NKAIN2: variants seen among roughly 807,000 people sequenced by gnomAD.
NKAIN2 encodes the protein sodium/potassium-transporting ATPase subunit beta-1-interacting protein 2.
NKAIN2 carries 14 observed loss-of-function variants against 32.6 expected under a neutral mutation model. The ratio of observed to expected loss-of-function variants is 0.43; its 90% CI spans 0.28 to 0.67. The LOEUF is 0.67. Ranked by LOEUF, NKAIN2 falls within the 30% of genes least tolerant of loss-of-function variation. The probability of loss-of-function intolerance (pLI) is 0.17; values close to 1 mark genes in which losing one functional copy is unlikely to be tolerated. For missense variants in NKAIN2, 198 were observed against 258.3 expected, an observed-to-expected ratio of 0.77 and a Z score of 1.60; for synonymous variants, 80 against 87.2, an observed-to-expected ratio of 0.92 and a Z score of 0.46.
At chr6:124,070,706 T>C (rs892539808) in intron 1 of NKAIN2, among the ~76,000 whole-genome samples, 1 of 152,160 alleles carries the variant, frequency 6.6e-6, no homozygotes, top group African/African-American at 2.4e-5. Context: ...AGAAGTTTCA[T>C]GCAATTTCTA....
chr6:124,354,992 C>G (rs758188576), intron 2 of NKAIN2, among the ~76,000 whole-genome samples: 7 of 150,322 alleles, frequency 4.7e-5, no homozygotes, highest in Non-Finnish European at 1.0e-4. Context: ...ATCACTTCAA[C>G]CTGAAAGAAA....
intron 1 of NKAIN2, among the ~76,000 whole-genome samples, chr6:124,270,518 C>T (rs752690580): frequency 7.2e-5 from 11 of 152,008 alleles, no homozygotes; most frequent in Middle Eastern, 3.2e-3. Context: ...AAATAGCAAT[C>T]GAGTTTTTTC....
intron 3 of NKAIN2, among the ~76,000 whole-genome samples, chr6:124,412,413 G>T (rs1227724620): frequency 2.0e-5 from 3 of 152,182 alleles, no homozygotes; most frequent in African/African-American, 7.2e-5. Flanking sequence ...TCAGCTGCAG[G>T]TCTGTTGGAG....
chr6:124,134,326 C>A (rs564957617), intron 1 of NKAIN2, among the ~76,000 whole-genome samples: 1 of 152,142 alleles, frequency 6.6e-6, no homozygotes, highest in East Asian at 1.9e-4. Context: ...TTTCAACTAA[C>A]CCCATCAGAC....
At chr6:124,468,150 A>G (rs191123203) in intron 3 of NKAIN2, among the ~76,000 whole-genome samples, 21 of 152,240 alleles carry the variant, frequency 1.4e-4, no homozygotes, top group Admixed American at 3.9e-4. Context: ...TAATGTACAG[A>G]TTTTACATCT....
chr6:124,612,540 G>A (rs1199145069), intron 3 of NKAIN2, among the ~76,000 whole-genome samples: 1 of 152,130 alleles, frequency 6.6e-6, no homozygotes, highest in East Asian at 1.9e-4. Context: ...TACCTGTAAG[G>A]TGGCAGAAAA....
chr6:124,424,454 A>G (rs1370598137), intron 3 of NKAIN2, among the ~76,000 whole-genome samples: 2 of 65,754 alleles, frequency 3.0e-5, no homozygotes, highest in Non-Finnish European at 7.1e-5. Flanking sequence ...TCAAACATAC[A>G]ACACAGTATT....
Position 124,261,345 on chromosome 6 carries a change from C to T in NKAIN2, c.55-21660C>T, listed in dbSNP as rs184317490. ...TCACAGCCTTAACTGATCACTTTGC[C>T]AAATCTCTAAGTTTACAGATGACTA... On this transcript the variant is annotated intron_variant, in intron 1 of 6. Transcript: ENST00000368417. Among the ~76,000 whole-genome samples, 421 of 152,256 alleles carry T rather than the reference C, an allele frequency of 2.8e-3. 1 individual carries two copies. The highest frequency in any genetic ancestry group is 7.8e-3 in the African/African-American group (325 of 41,552).
chr6:124,403,600 A>G (rs1773721072), intron 3 of NKAIN2, among the ~76,000 whole-genome samples: 1 of 152,192 alleles, frequency 6.6e-6, no homozygotes, highest in Non-Finnish European at 1.5e-5. Flanking sequence ...CAATTATTTA[A>G]TGGGCATCCA....
At chr6:124,442,454 G>A (rs1206982720) in intron 3 of NKAIN2, among the ~76,000 whole-genome samples, 2 of 151,932 alleles carry the variant, frequency 1.3e-5, no homozygotes, top group Non-Finnish European at 2.9e-5. Context: ...AGTTATAAAG[G>A]ACCTCCCTCC....
At chr6:124,728,325 T>A (rs9388368) in intron 4 of NKAIN2, among the ~76,000 whole-genome samples, 73,403 of 75,408 alleles carry the variant, frequency 0.97, 36,153 homozygotes, top group South Asian at 1. Context: ...CTCCTCAGCA[T>A]ATGTAAAAGA....
At chr6:124,778,444 A>C (rs1370989194) in intron 4 of NKAIN2, among the ~76,000 whole-genome samples, 2 of 151,124 alleles carry the variant, frequency 1.3e-5, no homozygotes, top group Non-Finnish European at 2.9e-5. Flanking sequence ...TTCTTCTCCT[A>C]CTCTTGTGTT....
chr6:124,318,411 T>A (rs1797047532), intron 2 of NKAIN2, among the ~76,000 whole-genome samples: 1 of 151,974 alleles, frequency 6.6e-6, no homozygotes, highest in Non-Finnish European at 1.5e-5. Context: ...AAATGGTGGA[T>A]TTTCATTTTA....
At chr6:123,886,625 A>G (rs1318621792) in intron 1 of NKAIN2, among the ~76,000 whole-genome samples, 1 of 152,150 alleles carries the variant, frequency 6.6e-6, no homozygotes, top group Non-Finnish European at 1.5e-5. Context: ...AAGCCAATAT[A>G]TAACTGCTTT....
At chr6:124,409,019 C>G (rs1191848048) in intron 3 of NKAIN2, among the ~76,000 whole-genome samples, 1 of 152,148 alleles carries the variant, frequency 6.6e-6, no homozygotes, top group East Asian at 1.9e-4. Context: ...TATAAGAATG[C>G]TTGTGATTTT....
intron 3 of NKAIN2, among the ~76,000 whole-genome samples, chr6:124,596,295 C>T (rs948159603): frequency 1.3e-5 from 2 of 152,050 alleles, no homozygotes; most frequent in African/African-American, 4.8e-5. Flanking sequence ...GCCATGTGGG[C>T]CCTGAATCAG....
At chr6:124,272,732 C>T (rs903150190) in intron 1 of NKAIN2, among the ~76,000 whole-genome samples, 2 of 152,168 alleles carry the variant, frequency 1.3e-5, no homozygotes, top group African/African-American at 2.4e-5. Flanking sequence ...GCGCTCAATG[C>T]CAGCTTGTGA....
At chr6:123,956,022 G>A (rs933867594) in intron 1 of NKAIN2, among the ~76,000 whole-genome samples, 1 of 151,774 alleles carries the variant, frequency 6.6e-6, no homozygotes, top group Non-Finnish European at 1.5e-5. Context: ...AAAATGCATG[G>A]ATGCTTAACT....
chr6:124,412,521 T>C (rs1364424132), intron 3 of NKAIN2, among the ~76,000 whole-genome samples: 1 of 152,154 alleles, frequency 6.6e-6, no homozygotes, highest in Admixed American at 6.5e-5. Context: ...TGCTGCCTGA[T>C]TGTTCCTCTG....
Sources: allele counts gnomAD v4.1 joint callset (sites outside exome capture counted in the v4.1 genomes callset), GRCh38; gene constraint gnomAD v4.1.1; transcripts MANE v1.5; gene names NCBI Gene and HGNC (gene_info 2026-07-23, HGNC 2026-07-21).